Variants in EVI5 observed in about 807,000 individuals in gnomAD.
EVI5 encodes the protein ecotropic viral integration site 5 protein homolog.
Under a neutral mutation model 112.0 loss-of-function variants are expected in EVI5, and 73 were observed. That is an observed-to-expected ratio of 0.65 (90% CI 0.54 to 0.79). The LOEUF (loss-of-function observed/expected upper bound fraction) is 0.79. Among genes scored for constraint, EVI5 ranks in the 30% least tolerant of loss-of-function variants. EVI5 has a pLI of 0.00. For synonymous variants in EVI5, 305 were observed against 319.9 expected, an observed-to-expected ratio of 0.95 and a Z score of 0.50; for missense variants, 900 against 968.8, an observed-to-expected ratio of 0.93 and a Z score of 0.94.
intron 13 of EVI5, chr1:92,647,082 T>C: frequency 5.2e-6 from 1 of 193,490 alleles, no homozygotes; most frequent in South Asian, 1.1e-4. Flanking sequence ...CCTCCTCCTC[T>C]TCCTCACATC....
chr1:92,524,899 T>C (rs924618699), intron 19 of EVI5, among the ~76,000 whole-genome samples: 54 of 151,136 alleles, frequency 3.6e-4, no homozygotes, highest in African/African-American at 1.3e-3. Flanking sequence ...GATCTCAGTT[T>C]ACTGTAAGCT....
Position 92,666,017 on chromosome 1 carries a change from T to C in EVI5, c.1159-25A>G, listed in dbSNP as rs762683161. On this transcript the variant is annotated intron_variant, in intron 10 of 19. Coordinates refer to ENST00000684568, the MANE Select transcript of EVI5 (RefSeq NM_001350197.2). ...TCTGCCAAGAAAAAAAAAGTTTTAT[T>C]TGCAAGCATTTTTGAGAGGAAAAAA... 2.6e-6 allele frequency: 4 copies of C among 1,518,740 alleles called. No homozygotes were observed. In the African/African-American group the frequency reaches 5.6e-5, roughly 21 times the overall value. The allele number at this position is 1,518,740 out of a possible 1,614,324, so 94.1% of individuals were successfully genotyped here.
chr1:92,727,109 A>G (rs1675685299), intron 2 of EVI5, among the ~76,000 whole-genome samples: 1 of 152,222 alleles, frequency 6.6e-6, no homozygotes, highest in Non-Finnish European at 1.5e-5. Flanking sequence ...AGTCGGTTAC[A>G]AAAGGCCACT....
chr1:92,571,408 T>C (rs969070252), intron 18 of EVI5, among the ~76,000 whole-genome samples: 7 of 151,966 alleles, frequency 4.6e-5, no homozygotes, highest in African/African-American at 9.7e-5. Flanking sequence ...TAAGGAAATA[T>C]AGCTGACATT....
chr1:92,790,884 G>A (rs886100956), intron 1 of EVI5, among the ~76,000 whole-genome samples: 1 of 151,024 alleles, frequency 6.6e-6, no homozygotes, highest in African/African-American at 2.4e-5. Context: ...TACCTCCACC[G>A]TATGCATTCT....
intron 17 of EVI5, among the ~76,000 whole-genome samples, chr1:92,605,943 C>A (rs1241086075): frequency 6.6e-6 from 1 of 152,010 alleles, no homozygotes; most frequent in Non-Finnish European, 1.5e-5. Flanking sequence ...ACTTTGTTCC[C>A]GAATTATTCC....
At chr1:92,705,340 CTTTA>C (rs1288792109) in intron 2 of EVI5, among the ~76,000 whole-genome samples, 1 of 152,222 alleles carries the variant, frequency 6.6e-6, no homozygotes, top group African/African-American at 2.4e-5. Context: ...TGCATTTATA[CTTTA>C]TTTATAATTC....
intron 14 of EVI5, among the ~76,000 whole-genome samples, chr1:92,630,172 G>C (rs1462280511): frequency 1.3e-5 from 2 of 152,150 alleles, no homozygotes; most frequent in East Asian, 1.9e-4. Context: ...TAATCCTTTG[G>C]GTATATACCC....
intron 13 of EVI5, among the ~76,000 whole-genome samples, chr1:92,661,679 C>G (rs1316883428): frequency 6.6e-6 from 1 of 151,848 alleles, no homozygotes; most frequent in Admixed American, 6.6e-5. Flanking sequence ...TTTTTCTTAG[C>G]AATCTTCAAT....
intron 2 of EVI5, among the ~76,000 whole-genome samples, chr1:92,721,653 G>A (rs1334347135): frequency 6.6e-6 from 1 of 152,172 alleles, no homozygotes; most frequent in Non-Finnish European, 1.5e-5. Flanking sequence ...TTGTGCACAT[G>A]TACCCTAGAA....
intron 16 of EVI5, among the ~76,000 whole-genome samples, chr1:92,608,762 T>C (rs1472222590): frequency 1.3e-5 from 2 of 151,822 alleles, no homozygotes; most frequent in Non-Finnish European, 2.9e-5. Flanking sequence ...GGCTGTAAAC[T>C]TGATGTCACA....
chr1:92,619,950 C>A (rs9633481), intron 16 of EVI5, among the ~76,000 whole-genome samples: 140,213 of 152,166 alleles, frequency 0.92, 64,682 homozygotes, highest in East Asian at 0.97. Context: ...AGGGGCAAAA[C>A]GAACAGAGCA....
In EVI5 at chr1:92,625,780, A is replaced by T; in HGVS notation, c.1668+14T>A. The T allele has an allele frequency of 6.2e-7, 1 of 1,605,584 alleles. No individual in the cohort carries two copies. Among genetic ancestry groups the T allele is most frequent in the Non-Finnish European group, 8.5e-7 (1 of 1,176,710 alleles). On this transcript the variant is annotated intron_variant, in intron 15 of 19. Coordinates refer to ENST00000684568, the MANE Select transcript of EVI5 (RefSeq NM_001350197.2). ...ACTCTCTTTTAAAAAAGCACACAAAATATATTAATATACCTGCCAGTGTTC... is the reference window on the plus strand; with the variant it reads ...ACTCTCTTTTAAAAAAGCACACAAATTATATTAATATACCTGCCAGTGTTC...
At chr1:92,581,131 A>C (rs1314081908) in intron 18 of EVI5, among the ~76,000 whole-genome samples, 1 of 152,192 alleles carries the variant, frequency 6.6e-6, no homozygotes, top group Non-Finnish European at 1.5e-5. Context: ...TATGGATGAC[A>C]CTAACTATCT....
At chr1:92,573,434 T>A (rs546565858) in intron 18 of EVI5, among the ~76,000 whole-genome samples, 43 of 152,210 alleles carry the variant, frequency 2.8e-4, no homozygotes, top group Admixed American at 1.7e-3. Flanking sequence ...GGATCTCAAA[T>A]ATTATTTTAT....
At chr1:92,715,421 T>C (rs1323092447) in intron 2 of EVI5, among the ~76,000 whole-genome samples, 1 of 152,210 alleles carries the variant, frequency 6.6e-6, no homozygotes, top group Non-Finnish European at 1.5e-5. Context: ...TTCTGCTCCT[T>C]TTATTTCTTC....
intron 19 of EVI5, among the ~76,000 whole-genome samples, chr1:92,548,699 A>G (rs901250758): frequency 8.5e-5 from 13 of 152,170 alleles, no homozygotes; most frequent in East Asian, 3.8e-4. Context: ...TTATACACCA[A>G]TAACAGACAA....
At chr1:92,684,389 G>C (rs770939202) in intron 9 of EVI5, among the ~76,000 whole-genome samples, 2 of 152,162 alleles carry the variant, frequency 1.3e-5, no homozygotes, top group African/African-American at 2.4e-5. Flanking sequence ...CCTTACAAGA[G>C]CTCCTGAAGG....
At chr1:92,744,596 T>TCACA (rs1336913093) in intron 1 of EVI5, among the ~76,000 whole-genome samples, 5 of 25,470 alleles carry the variant, frequency 2.0e-4, no homozygotes, top group African/African-American at 2.9e-4. Flanking sequence ...TCTCTCTCTC[T>TCACA]CTCTCACACA....
Sources: allele counts gnomAD v4.1 joint callset (sites outside exome capture counted in the v4.1 genomes callset), GRCh38; gene constraint gnomAD v4.1.1; transcripts MANE v1.5; gene names NCBI Gene and HGNC (gene_info 2026-07-23, HGNC 2026-07-21).